The following SLC24A2 variants were observed in gnomAD, a reference collection of about 807,000 sequenced individuals.
The protein encoded by SLC24A2 is solute carrier family 24 member 2.
A neutral mutation model predicts 62.0 loss-of-function variants in SLC24A2; 36 were observed. That is an observed-to-expected ratio of 0.58 (90% CI 0.44 to 0.77). The LOEUF (loss-of-function observed/expected upper bound fraction) is 0.77. Among genes scored for constraint, SLC24A2 ranks in the 30% least tolerant of loss-of-function variants. The probability of loss-of-function intolerance (pLI) is 0.00; values close to 1 mark genes in which losing one functional copy is unlikely to be tolerated. For synonymous variants in SLC24A2, 358 were observed against 294.0 expected, an observed-to-expected ratio of 1.22 and a Z score of -2.23; for missense variants, 846 against 817.9, an observed-to-expected ratio of 1.03 and a Z score of -0.42.
At chr9:20,077,016 G>T in the SLC24A2 span, among the ~76,000 whole-genome samples, 1 of 150,924 alleles carries the variant, frequency 6.6e-6, no homozygotes, top group Non-Finnish European at 1.5e-5. Context: ...GACATGGAAG[G>T]CCTTCAGCTA....
the SLC24A2 span, among the ~76,000 whole-genome samples, chr9:20,135,704 A>ATG: frequency 6.6e-6 from 1 of 152,214 alleles, no homozygotes; most frequent in South Asian, 2.1e-4. Flanking sequence ...CTGAAAAATT[A>ATG]TGTGCTCGAA....
chr9:19,545,646 C>CT (rs552493070), intron 8 of SLC24A2, among the ~76,000 whole-genome samples: 1,554 of 145,708 alleles, frequency 0.011, 20 homozygotes, highest in African/African-American at 0.034. Flanking sequence ...GTTTTTTTTT[C>CT]TTTTTTTTTT....
At chr9:19,536,131 G>C (rs962618001) in intron 8 of SLC24A2, among the ~76,000 whole-genome samples, 1 of 147,250 alleles carries the variant, frequency 6.8e-6, no homozygotes, top group African/African-American at 2.5e-5. Context: ...CTCATGATTT[G>C]GCTCTCTGTT....
At chr9:19,834,823 G>A in the SLC24A2 span, among the ~76,000 whole-genome samples, 1 of 152,196 alleles carries the variant, frequency 6.6e-6, no homozygotes. Context: ...GGCAGCCAGA[G>A]AGAAAGGTCG....
At chr9:20,216,275 A>G in the SLC24A2 span, among the ~76,000 whole-genome samples, 1 of 152,228 alleles carries the variant, frequency 6.6e-6, no homozygotes, top group African/African-American at 2.4e-5. Context: ...GATGAAAAGG[A>G]TGACCTGTCA....
the SLC24A2 span, among the ~76,000 whole-genome samples, chr9:19,885,488 G>T: frequency 6.6e-6 from 1 of 152,140 alleles, no homozygotes; most frequent in Non-Finnish European, 1.5e-5. Flanking sequence ...CTCTATGAAA[G>T]TTCGTTCTTA....
intron 2 of SLC24A2, among the ~76,000 whole-genome samples, chr9:19,656,514 C>T (rs1317050157): frequency 6.6e-6 from 1 of 152,136 alleles, no homozygotes; most frequent in Non-Finnish European, 1.5e-5. Flanking sequence ...TTTCTTGATC[C>T]CAAATACTCT....
chr9:20,118,158 C>T, the SLC24A2 span, among the ~76,000 whole-genome samples: 6 of 152,032 alleles, frequency 3.9e-5, no homozygotes, highest in East Asian at 1.2e-3. Flanking sequence ...GACTTATCTA[C>T]CCCTGTGTAG....
chr9:19,772,128 C>G (rs1237223418), intron 2 of SLC24A2, among the ~76,000 whole-genome samples: 1 of 152,072 alleles, frequency 6.6e-6, no homozygotes, highest in East Asian at 1.9e-4. Flanking sequence ...CAGGAGCAGG[C>G]AAAGAAGGAT....
At chr9:19,646,004 C>A (rs986354731) in intron 2 of SLC24A2, among the ~76,000 whole-genome samples, 1 of 152,178 alleles carries the variant, frequency 6.6e-6, no homozygotes, top group African/African-American at 2.4e-5. Context: ...TACAGCTTCT[C>A]CACTGATAGC....
the SLC24A2 span, among the ~76,000 whole-genome samples, chr9:20,209,373 G>A: frequency 6.6e-6 from 1 of 152,250 alleles, no homozygotes; most frequent in African/African-American, 2.4e-5. Flanking sequence ...AAACTACTTG[G>A]TTTTTTATTT....
the SLC24A2 span, among the ~76,000 whole-genome samples, chr9:19,905,232 C>T: frequency 6.6e-6 from 1 of 152,094 alleles, no homozygotes; most frequent in Non-Finnish European, 1.5e-5. Flanking sequence ...CAGACTGTCT[C>T]TTACTTCATC....
At chr9:19,753,445 C>G (rs913828406) in intron 2 of SLC24A2, among the ~76,000 whole-genome samples, 16 of 152,168 alleles carry the variant, frequency 1.1e-4, no homozygotes, top group African/African-American at 3.9e-4. Flanking sequence ...TATTAACATT[C>G]CCAAATAGTT....
the SLC24A2 span, among the ~76,000 whole-genome samples, chr9:20,243,144 TTAC>T: frequency 9.8e-5 from 15 of 152,312 alleles, no homozygotes; most frequent in South Asian, 1.2e-3. Flanking sequence ...GTGGGTGTTT[TTAC>T]TACTCCTTTT....
chr9:19,514,664 C>G lies in SLC24A2; in HGVS notation c.*1489G>C, dbSNP rs1050392999. ...GAAATCAAATTGTTGGAGTGAATAG[C>G]TTGAAACCAGTATAAGGAAGCTGTC... On this transcript the variant is annotated 3_prime_UTR_variant, in exon 11 of 11. Coordinates refer to ENST00000341998, the MANE Select transcript of SLC24A2 (RefSeq NM_020344.4). The G allele has an allele frequency of 6.6e-6, 1 of 152,128 alleles. No individual in the cohort carries two copies. The highest frequency in any genetic ancestry group is 1.5e-5 in the Non-Finnish European group (1 of 68,040). The allele number at this position is 152,128 out of a possible 1,614,324, so 9.4% of individuals were successfully genotyped here. A position where few individuals can be genotyped will look rare whatever the true frequency, so the allele number is the denominator to read the frequency against.
chr9:19,544,630 G>C (rs949529678), intron 8 of SLC24A2, among the ~76,000 whole-genome samples: 1 of 152,138 alleles, frequency 6.6e-6, no homozygotes, highest in African/African-American at 2.4e-5. Context: ...GCCTGGTGGT[G>C]ACAAAATCTC....
the SLC24A2 span, among the ~76,000 whole-genome samples, chr9:20,065,045 C>T: frequency 1.3e-5 from 2 of 152,188 alleles, no homozygotes; most frequent in African/African-American, 4.8e-5. Flanking sequence ...TGGTATCCAA[C>T]CGATGAGCTG....
chr9:19,511,948 A>G lies in SLC24A2; in HGVS notation c.*4205T>C, dbSNP rs1401627294. 6.6e-6 allele frequency: 1 copy of G among 152,238 alleles called. No homozygotes were observed. Among genetic ancestry groups the G allele is most frequent in the African/African-American group, 2.4e-5 (1 of 41,422 alleles). 9.4% of individuals were successfully genotyped at this position (152,238 alleles called of 1,614,324 possible). A position where few individuals can be genotyped will look rare whatever the true frequency, so the allele number is the denominator to read the frequency against. The stretch of plus-strand genomic sequence containing the variant: ...CATGTTCTGAAATGCCTGCCATCAG[A>G]CCCATGTTAGATAGTCCAACGCAGT... On this transcript the variant is annotated 3_prime_UTR_variant, in exon 11 of 11. Transcript: ENST00000341998.
At chr9:20,063,858 G>T in the SLC24A2 span, among the ~76,000 whole-genome samples, 1 of 152,018 alleles carries the variant, frequency 6.6e-6, no homozygotes, top group South Asian at 2.1e-4. Flanking sequence ...TGAAAAAATG[G>T]TATCCTTATC....
Sources: gnomAD v4.1 joint callset for allele counts (sites outside exome capture counted in the v4.1 genomes callset) on GRCh38, gnomAD v4.1.1 for gene constraint, MANE v1.5 for transcripts, NCBI Gene and HGNC (gene_info 2026-07-23, HGNC 2026-07-21) for gene names.